The following COL4A1 variants were observed in gnomAD, a reference collection of about 807,000 sequenced individuals.
COL4A1 encodes the protein collagen alpha-1(IV) chain.
In COL4A1, 40 loss-of-function variants were observed where a neutral mutation model predicts 216.6. The observed-to-expected ratio is 0.18, with a 90% CI of 0.14 to 0.24. COL4A1 has a LOEUF of 0.24. Among genes scored for constraint, COL4A1 ranks in the 10% least tolerant of loss-of-function variants. The pLI, the probability that COL4A1 is intolerant of heterozygous loss-of-function variation, is 1.00. For missense variants in COL4A1, 1,628 were observed against 2,196.8 expected, an observed-to-expected ratio of 0.74 and a Z score of 5.18; for synonymous variants, 839 against 810.7, an observed-to-expected ratio of 1.03 and a Z score of -0.59.
Position 110,175,048 on chromosome 13 carries a change from G to C in COL4A1, c.3198+170C>G, listed in dbSNP as rs61661904. 0.015 allele frequency among the ~76,000 whole-genome samples: 2,230 copies of C among 152,284 alleles called. 55 individuals are homozygous for C. The highest frequency in any genetic ancestry group is 0.05 in the African/African-American group (2,097 of 41,554). The stretch of plus-strand genomic sequence containing the variant: ...CTCACCAGTCTCTAGATTCTTCCTT[G>C]GGGGAGAGGTAGTGAATACAAGGGG... On this transcript the variant is annotated intron_variant, in intron 37 of 51. Transcript: ENST00000375820.
intron 24 of COL4A1, among the ~76,000 whole-genome samples, chr13:110,190,294 C>T (rs142441667): frequency 3.9e-5 from 6 of 152,198 alleles, no homozygotes; most frequent in Middle Eastern, 3.4e-3. Context: ...GAGGATTCAA[C>T]TACTGCCTGG....
chr13:110,154,790 TGCTC>T (rs1594529568), intron 50 of COL4A1, among the ~76,000 whole-genome samples: 1,745 of 151,498 alleles, frequency 0.012, no homozygotes, highest in African/African-American at 0.02. Flanking sequence ...ATAGAGAAGC[TGCTC>T]AAAGATGGAA....
At chr13:110,200,617 C>T (rs1300584487) in intron 20 of COL4A1, among the ~76,000 whole-genome samples, 1 of 152,024 alleles carries the variant, frequency 6.6e-6, no homozygotes. Flanking sequence ...GATCTGGATC[C>T]CCAGGAGAGA....
intron 1 of COL4A1, among the ~76,000 whole-genome samples, chr13:110,284,990 A>G (rs368048971): frequency 2.6e-5 from 4 of 152,364 alleles, no homozygotes; most frequent in South Asian, 4.1e-4. Context: ...TTCCATTACA[A>G]GGCAATGGCC....
intron 41 of COL4A1, 89 bp from the exon 42 acceptor site, chr13:110,170,821 G>A (rs1007155977): frequency 1.4e-6 from 2 of 1,420,416 alleles, no homozygotes; most frequent in Non-Finnish European, 2.0e-6. Flanking sequence ...GATGAGGCGT[G>A]CCTCATCCTG....
intron 1 of COL4A1, among the ~76,000 whole-genome samples, chr13:110,273,278 T>C (rs2139291912): frequency 6.6e-6 from 1 of 152,300 alleles, no homozygotes; most frequent in African/African-American, 2.4e-5. Flanking sequence ...ACGCGGGATG[T>C]ATATTTTGAA....
At chr13:110,210,344 C>T in intron 8 of COL4A1, 132 bp from the exon 9 acceptor site, 3 of 819,218 alleles carry the variant, frequency 3.7e-6, no homozygotes, top group Non-Finnish European at 6.1e-6. Context: ...ACCCCGTCTA[C>T]ACTGGAAATC....
At chr13:110,156,646 G>A (rs1876799693) in intron 49 of COL4A1, among the ~76,000 whole-genome samples, 1 of 152,128 alleles carries the variant, frequency 6.6e-6, no homozygotes, top group Admixed American at 6.5e-5. Flanking sequence ...TCAATGAAGG[G>A]AACCCTTGAT....
At chr13:110,271,433 G>T (rs903644839) in intron 1 of COL4A1, among the ~76,000 whole-genome samples, 1 of 152,152 alleles carries the variant, frequency 6.6e-6, no homozygotes. Context: ...TCAGGCATTG[G>T]GGAAACTGGC....
intron 2 of COL4A1, among the ~76,000 whole-genome samples, chr13:110,229,891 C>T (rs1880939109): frequency 6.6e-6 from 1 of 152,310 alleles, no homozygotes; most frequent in Middle Eastern, 3.4e-3. Flanking sequence ...TTTCCTTGGG[C>T]CCCACTTCCG....
intron 1 of COL4A1, among the ~76,000 whole-genome samples, chr13:110,264,145 A>C (rs1188005540): frequency 6.6e-6 from 1 of 152,104 alleles, no homozygotes; most frequent in African/African-American, 2.4e-5. Flanking sequence ...CTGAACGGGG[A>C]GGAGGCATTC....
chr13:110,162,304 C>T lies in COL4A1; in HGVS notation c.4388G>A (p.Gly1463Glu), dbSNP rs1057518459. 3.1e-6 allele frequency: 5 copies of T among 1,614,074 alleles called. No individual in the cohort carries two copies. Among genetic ancestry groups the T allele is most frequent in the South Asian group, 1.1e-5 (1 of 91,080 alleles). ...GTACCCGTGGTAAAGAATTTTGGTC[C>T]CAGAAGGACACTGTGGGTCATCTAT... ...QTIDDPQCPS[G>E]TKILYHGYSL... is the part of the protein sequence containing the mutation. Residue 1463 changes from glycine to glutamate, a missense_variant, in exon 48 of 52, where the codon GGG becomes GAG. Coordinates refer to ENST00000375820, the MANE Select transcript of COL4A1 (RefSeq NM_001845.6).
chr13:110,156,357 T>G (rs560080851), intron 49 of COL4A1, among the ~76,000 whole-genome samples: 38 of 152,362 alleles, frequency 2.5e-4, no homozygotes, highest in African/African-American at 8.9e-4. Flanking sequence ...GTATAAGAAA[T>G]GCACTTAGTG....
intron 1 of COL4A1, among the ~76,000 whole-genome samples, chr13:110,297,488 C>G (rs554027108): frequency 6.6e-6 from 1 of 152,114 alleles, no homozygotes; most frequent in South Asian, 2.1e-4. Flanking sequence ...TGCCCAAAGT[C>G]AAACAGCTAG....
In COL4A1 at chr13:110,176,910, G is replaced by A; in HGVS notation, c.2844C>T (p.Gly948=). 1.9e-6 allele frequency: 3 copies of A among 1,614,202 alleles called. No homozygotes were observed. The highest frequency in any genetic ancestry group is 2.5e-6 in the Non-Finnish European group (3 of 1,180,038). Residue 948 remains glycine (G), a synonymous_variant, in exon 34 of 52, where the codon GGC becomes GGT. Transcript: ENST00000375820. ...CTTTCTCTCCTTGGTCTCCTTTCTG[G>A]CCCTTCATGCTGCCCATGTCCACCT... ...MDKVDMGSMK[G]QKGDQGEKGQ...
At chr13:110,289,884 A>G (rs1228995946) in intron 1 of COL4A1, among the ~76,000 whole-genome samples, 1 of 152,214 alleles carries the variant, frequency 6.6e-6, no homozygotes, top group Non-Finnish European at 1.5e-5. Context: ...CCCAGTGGAC[A>G]GATCCCAGAG....
rs772053307 is a variant in COL4A1 at position 110,178,059 on chromosome 13, C to G, written c.2626+5G>C. 1.2e-6 allele frequency: 2 copies of G among 1,614,182 alleles called. No homozygotes were observed. The highest frequency in any genetic ancestry group is 2.2e-5 in the East Asian group (1 of 44,864). ...GATCCAGGCAGAAGTTCAAAAATCA[C>G]TTACCTGGAAACCCAGGAATCCCAG... On this transcript the variant is annotated splice_donor_5th_base_variant and intron_variant, in intron 32 of 51. Transcript: ENST00000375820.
rs866235847 is a variant in COL4A1, at chr13:110,160,359, G to A, written c.4640+833C>T. Among the ~76,000 whole-genome samples, 53 of 35,256 alleles carry A rather than the reference G, an allele frequency of 1.5e-3. 6 individuals carry two copies. The Middle Eastern group carries it at 0.083, about 55-fold the overall frequency. The allele number at this position is 35,256 out of a possible 152,430, so 23.1% of individuals were successfully genotyped here. A position where few individuals can be genotyped will look rare whatever the true frequency, so the allele number is the denominator to read the frequency against. On this transcript the variant is annotated intron_variant, in intron 49 of 51. Transcript: ENST00000375820. ...CGGGAGGCTGAGGCAGGAGAATGGC[G>A]TGAACCCCGGGAAGCGGAGCTTGCA... is the stretch of plus-strand genomic sequence containing the variant.
intron 2 of COL4A1, among the ~76,000 whole-genome samples, chr13:110,236,390 C>T (rs555034921): frequency 1.8e-4 from 28 of 152,218 alleles, no homozygotes; most frequent in African/African-American, 6.5e-4. Flanking sequence ...ACTAAGAGTG[C>T]TCATTTTGCA....
Sources: allele counts gnomAD v4.1 joint callset (sites outside exome capture counted in the v4.1 genomes callset), GRCh38; gene constraint gnomAD v4.1.1; transcripts MANE v1.5; gene names NCBI Gene and HGNC (gene_info 2026-07-23, HGNC 2026-07-21).